Variants in BCL2 observed in about 807,000 individuals in gnomAD.
The protein encoded by BCL2 is apoptosis regulator Bcl-2.
Under a neutral mutation model 14.2 loss-of-function variants are expected in BCL2, and 1 was observed. The observed-to-expected ratio is 0.07, with a 90% CI of 0.02 to 0.33. BCL2 has a LOEUF of 0.33. Ranked by LOEUF, BCL2 falls within the 10% of genes least tolerant of loss-of-function variation. The pLI is 0.99. For synonymous variants in BCL2, 151 were observed against 137.2 expected, an observed-to-expected ratio of 1.10 and a Z score of -0.70; for missense variants, 247 against 305.9, an observed-to-expected ratio of 0.81 and a Z score of 1.44.
chr18:63,302,893 T>A (rs1186171221), intron 2 of BCL2: 1 of 984,924 alleles, frequency 1.0e-6, no homozygotes, highest in African/African-American at 1.7e-5. Flanking sequence ...CTGGGCCAAA[T>A]GTATCCAAAT....
chr18:63,128,726 G>T lies in BCL2; in HGVS notation c.619C>A (p.Arg207=), dbSNP rs748122615. 3.8e-6 allele frequency: 3 copies of T among 780,784 alleles called. No homozygotes were observed. Among genetic ancestry groups the T allele is most frequent in the Non-Finnish European group, 7.2e-6 (3 of 417,996 alleles). The allele number at this position is 780,784 out of a possible 1,614,324, so 48.4% of individuals were successfully genotyped here. Residue 207 remains arginine (R), a synonymous_variant, in exon 3 of 3, where the codon CGG becomes AGG. Transcript: ENST00000333681. ...AFVELYGPSM[R]PLFDFSWLSL... ...AGCCAGGAGAAATCAAACAGAGGCC[G>T]CATGCTGGGGCCGTACAGTTCCACA...
intron 2 of BCL2, among the ~76,000 whole-genome samples, chr18:63,190,906 T>C (rs561097461): frequency 1.6e-3 from 244 of 152,286 alleles, no homozygotes; most frequent in African/African-American, 5.0e-3. Context: ...CCTGTGTCCA[T>C]GTGTTCTCAT....
chr18:63,207,180 C>T (rs73963711), intron 2 of BCL2, among the ~76,000 whole-genome samples: 38,956 of 152,096 alleles, frequency 0.26, 5,309 homozygotes, highest in South Asian at 0.32. Flanking sequence ...GCACGGAGAC[C>T]GCCAAGCGTT....
intron 2 of BCL2, among the ~76,000 whole-genome samples, chr18:63,176,686 A>G (rs376754757): frequency 5.3e-5 from 8 of 152,266 alleles, no homozygotes; most frequent in African/African-American, 1.9e-4. Context: ...CTAACAAATC[A>G]GAGTGTTTAG....
chr18:63,152,469 C>A (rs1244839210), intron 2 of BCL2, among the ~76,000 whole-genome samples: 2 of 152,026 alleles, frequency 1.3e-5, no homozygotes, highest in East Asian at 3.9e-4. Flanking sequence ...AATACCTTCC[C>A]CAAAGTTATT....
intron 2 of BCL2, among the ~76,000 whole-genome samples, chr18:63,158,247 TG>T (rs1374585954): frequency 2.0e-5 from 3 of 152,180 alleles, no homozygotes; most frequent in Non-Finnish European, 4.4e-5. Flanking sequence ...GAAGGTATTT[TG>T]TTGTCTAACC....
intron 2 of BCL2, among the ~76,000 whole-genome samples, chr18:63,130,116 G>A (rs1021053957): frequency 2.6e-5 from 4 of 152,158 alleles, no homozygotes; most frequent in African/African-American, 7.2e-5. Flanking sequence ...CTAGATTTTG[G>A]GGAGATTATG....
At chr18:63,259,445 T>G (rs1353958725) in intron 2 of BCL2, among the ~76,000 whole-genome samples, 1 of 152,262 alleles carries the variant, frequency 6.6e-6, no homozygotes, top group Non-Finnish European at 1.5e-5. Flanking sequence ...ACTGAAGCAG[T>G]GCCAGGTGGG....
chr18:63,134,466 G>A (rs1231588557), intron 2 of BCL2, among the ~76,000 whole-genome samples: 1 of 152,144 alleles, frequency 6.6e-6, no homozygotes, highest in Non-Finnish European at 1.5e-5. Flanking sequence ...GAACTCTCAT[G>A]AGCTCTGCCC....
intron 2 of BCL2, among the ~76,000 whole-genome samples, chr18:63,159,588 A>G (rs926447313): frequency 3.3e-5 from 5 of 152,242 alleles, no homozygotes; most frequent in Non-Finnish European, 5.9e-5. Context: ...TAACAGAGAC[A>G]GGAGAAGCAG....
At chr18:63,258,290 G>A (rs963884137) in intron 2 of BCL2, among the ~76,000 whole-genome samples, 9 of 152,110 alleles carry the variant, frequency 5.9e-5, no homozygotes, top group Admixed American at 3.3e-4. Context: ...CCCAGTTTAC[G>A]GTATTTTGTC....
chr18:63,268,693 T>C (rs944878473), intron 2 of BCL2, among the ~76,000 whole-genome samples: 18 of 152,234 alleles, frequency 1.2e-4, no homozygotes, highest in African/African-American at 4.3e-4. Flanking sequence ...TGGAGGTTTG[T>C]TGATTTCATG....
intron 2 of BCL2, among the ~76,000 whole-genome samples, chr18:63,195,455 A>C (rs1410088846): frequency 6.6e-6 from 1 of 152,232 alleles, no homozygotes; most frequent in Non-Finnish European, 1.5e-5. Context: ...TACTATGCTC[A>C]CAACTGCTCA....
At chr18:63,282,220 C>T (rs528125023) in intron 2 of BCL2, among the ~76,000 whole-genome samples, 1 of 152,318 alleles carries the variant, frequency 6.6e-6, no homozygotes, top group Admixed American at 6.5e-5. Context: ...ATCACAAGTT[C>T]TTGACACATG....
intron 2 of BCL2, among the ~76,000 whole-genome samples, chr18:63,191,223 T>C (rs903977853): frequency 2.0e-5 from 3 of 152,204 alleles, no homozygotes; most frequent in Non-Finnish European, 4.4e-5. Flanking sequence ...TACCCAGTAA[T>C]GGGATTGATG....
intron 2 of BCL2, among the ~76,000 whole-genome samples, chr18:63,264,622 T>A (rs116434216): frequency 8.5e-5 from 13 of 152,350 alleles, no homozygotes; most frequent in African/African-American, 2.4e-4. Flanking sequence ...TGCATGATAT[T>A]AAATATTTTT....
intron 2 of BCL2, among the ~76,000 whole-genome samples, chr18:63,191,133 T>G (rs536462727): frequency 5.3e-5 from 8 of 152,366 alleles, no homozygotes; most frequent in African/African-American, 1.9e-4. Flanking sequence ...TCCATGTCTT[T>G]GCGATTGTGA....
Position 63,154,897 on chromosome 18 carries a change from C to T in BCL2, c.586-26138G>A, listed in dbSNP as rs1914734045. ...GGAAATTAAAACTATTTAAACAGGTCCATAAAGATTGTGTTATGCTCAAGG... is the reference window on the plus strand; with the variant it reads ...GGAAATTAAAACTATTTAAACAGGTTCATAAAGATTGTGTTATGCTCAAGG... On this transcript the variant is annotated intron_variant, in intron 2 of 2. Transcript: ENST00000333681. Among the ~76,000 whole-genome samples, 4 of 152,134 alleles carry T rather than the reference C, an allele frequency of 2.6e-5. No homozygotes were observed. In the South Asian group the frequency reaches 8.3e-4, roughly 32 times the overall value.
At chr18:63,296,862 T>C (rs538166125) in intron 2 of BCL2, among the ~76,000 whole-genome samples, 1 of 152,340 alleles carries the variant, frequency 6.6e-6, no homozygotes, top group Non-Finnish European at 1.5e-5. Flanking sequence ...AATAAAAAGG[T>C]GACCACATTG....
Sources: gnomAD v4.1 joint callset for allele counts (sites outside exome capture counted in the v4.1 genomes callset) on GRCh38, gnomAD v4.1.1 for gene constraint, MANE v1.5 for transcripts, NCBI Gene and HGNC (gene_info 2026-07-23, HGNC 2026-07-21) for gene names.